Variants in COPS7B observed in about 807,000 individuals in gnomAD.
The protein encoded by COPS7B is COP9 signalosome subunit 7B, also known as COP9 signalosome complex subunit 7b.
In COPS7B, 9 loss-of-function variants were observed where a neutral mutation model predicts 33.4. That is an observed-to-expected ratio of 0.27 (90% CI 0.16 to 0.47). COPS7B has a LOEUF of 0.47. Among genes scored for constraint, COPS7B ranks in the 20% least tolerant of loss-of-function variants. The pLI, the probability that COPS7B is intolerant of heterozygous loss-of-function variation, is 0.99. For synonymous variants in COPS7B, 119 were observed against 126.3 expected (o/e 0.94, Z 0.39); for missense variants, 242 against 318.2 (o/e 0.76, Z 1.82).
At position 231,808,727 on chromosome 2, in the gene COPS7B, C is replaced by CA. The variant is rs1348130479; in HGVS notation, c.*1082_*1083insA. The CA allele has an allele frequency of 1.8e-5, 3 of 165,324 alleles. No individual in the cohort carries two copies. Among genetic ancestry groups the CA allele is most frequent in the African/African-American group, 8.6e-5 (3 of 34,796 alleles). The allele number at this position is 165,324 out of a possible 1,614,324, so 10.2% of individuals were successfully genotyped here. ...ACATTTCAACATGCTTTTGTCCCCCCTCGTGTCAATATTTGTTATAGACTA... is the reference window on the plus strand; with the variant it reads ...ACATTTCAACATGCTTTTGTCCCCCCATCGTGTCAATATTTGTTATAGACTA... On this transcript the variant is annotated 3_prime_UTR_variant, in exon 7 of 7. Transcript: ENST00000350033.
rs796391617 is a variant in COPS7B, at chr2:231,790,534, T to C, written c.163-1199T>C. The stretch of plus-strand genomic sequence containing the variant: ...CTTTATCTCCCCATACATTGCGTTT[T>C]TCCATATGTGAGCTGAGAATAAGCT... On this transcript the variant is annotated intron_variant, in intron 2 of 6. Transcript: ENST00000350033. The C allele has an allele frequency of 3.5e-4, 54 of 152,302 alleles. 2 individuals carry two copies. The highest frequency in any genetic ancestry group is 1.3e-3 in the African/African-American group (52 of 41,558). 9.4% of individuals were successfully genotyped at this position (152,302 alleles called of 1,614,324 possible).
intron 1 of COPS7B, among the ~76,000 whole-genome samples, chr2:231,786,912 T>A (rs1310480815): frequency 6.6e-6 from 1 of 152,228 alleles, no homozygotes; most frequent in African/African-American, 2.4e-5. Context: ...TCTCCGTCTC[T>A]TTACATTCTC....
rs544641062 is a variant in COPS7B at position 231,798,769 on chromosome 2, T to G, written c.531-90T>G. On this transcript the variant is annotated intron_variant, in intron 5 of 6. Coordinates refer to ENST00000350033, the MANE Select transcript of COPS7B (RefSeq NM_022730.4). ...ATTAAAGGAGGTCCCTGTAAGATAC[T>G]GGGGAGAGCTGTTGGGGAAGAATAT... The G allele has an allele frequency of 3.0e-5, 30 of 1,010,720 alleles. No individual in the cohort carries two copies. The East Asian group carries it at 7.1e-4, about 24-fold the overall frequency. 62.6% of individuals were successfully genotyped at this position (1,010,720 alleles called of 1,614,324 possible).
Position 231,802,625 on chromosome 2 carries a change from G to A in COPS7B, c.636+3661G>A, listed in dbSNP as rs139769826. 1.6e-4 allele frequency among the ~76,000 whole-genome samples: 24 copies of A among 152,340 alleles called. No homozygotes were observed. In the East Asian group the frequency reaches 4.6e-3, roughly 29 times the overall value. On this transcript the variant is annotated intron_variant, in intron 6 of 6. Transcript: ENST00000350033. ...CAAGTCTGTGGTGATGATATTTGTTGTCAGTTGAAGGGTGACTGTGGAAGA... is the reference window on the plus strand; with the variant it reads ...CAAGTCTGTGGTGATGATATTTGTTATCAGTTGAAGGGTGACTGTGGAAGA...
chr2:231,804,442 T>G (rs2049835523), intron 6 of COPS7B, among the ~76,000 whole-genome samples: 1 of 152,034 alleles, frequency 6.6e-6, no homozygotes, highest in African/African-American at 2.4e-5. Context: ...AGAGATGGGG[T>G]TTCACCGCGT....
At chr2:231,787,008 A>C (rs2049267533) in intron 1 of COPS7B, among the ~76,000 whole-genome samples, 1 of 148,452 alleles carries the variant, frequency 6.7e-6, no homozygotes, top group African/African-American at 2.5e-5. Flanking sequence ...CTCCACCCCC[A>C]CCTCCTAACA....
intron 2 of COPS7B, chr2:231,790,104 G>A (rs969130319): frequency 2.0e-5 from 3 of 152,146 alleles, no homozygotes; most frequent in Admixed American, 2.0e-4. Flanking sequence ...TGGAAAATGA[G>A]TTTTATGAAG....
At chr2:231,798,503 C>T (rs1240473381) in intron 5 of COPS7B, among the ~76,000 whole-genome samples, 2 of 152,262 alleles carry the variant, frequency 1.3e-5, no homozygotes, top group South Asian at 4.1e-4. Flanking sequence ...GATCCACCCA[C>T]CTCGGCCTCT....
At chr2:231,797,461 A>T (rs1401917363) in intron 5 of COPS7B, among the ~76,000 whole-genome samples, 2 of 152,240 alleles carry the variant, frequency 1.3e-5, no homozygotes, top group African/African-American at 4.8e-5. Flanking sequence ...CTGGCACACA[A>T]AATCTAGTTT....
At chr2:231,801,515 C>G (rs1259064676) in intron 6 of COPS7B, among the ~76,000 whole-genome samples, 1 of 152,128 alleles carries the variant, frequency 6.6e-6, no homozygotes. Context: ...AAACACAGCT[C>G]GCTGCACCCT....
chr2:231,798,766 T>C (rs932340267), intron 5 of COPS7B, 93 bp from the exon 6 acceptor site: 22 of 989,530 alleles, frequency 2.2e-5, no homozygotes, highest in Admixed American at 4.1e-5. Context: ...CCCTGTAAGA[T>C]ACTGGGGAGA....
chr2:231,801,971 C>T (rs747940404), intron 6 of COPS7B, among the ~76,000 whole-genome samples: 13 of 152,008 alleles, frequency 8.6e-5, no homozygotes, highest in African/African-American at 1.9e-4. Context: ...GACGGGGTTT[C>T]GCAATGTTGG....
intron 2 of COPS7B, chr2:231,789,601 T>C (rs1027431701): frequency 2.6e-5 from 4 of 152,454 alleles, no homozygotes; most frequent in African/African-American, 7.3e-5. Context: ...TTGTGGAGCA[T>C]GTGCTGGATG....
At chr2:231,785,443 C>T (rs922341589), upstream of COPS7B, among the ~76,000 whole-genome samples, 10 of 152,124 alleles carry the variant, frequency 6.6e-5, no homozygotes, top group Non-Finnish European at 1.0e-4. Context: ...CCCTTTTTTC[C>T]CCTTTTTGTC....
chr2:231,804,340 C>T (rs538299074), intron 6 of COPS7B, among the ~76,000 whole-genome samples: 11 of 151,942 alleles, frequency 7.2e-5, no homozygotes, highest in South Asian at 6.2e-4. Flanking sequence ...CTCTGCCTCC[C>T]GGGTTCACGC....
At chr2:231,788,496 T>C in intron 1 of COPS7B, 59 bp from the exon 2 acceptor site, 4 of 1,514,492 alleles carry the variant, frequency 2.6e-6, no homozygotes, top group South Asian at 2.4e-5. Flanking sequence ...CAGCACTGAA[T>C]AGGCACAGAC....
chr2:231,783,697 T>C (rs951698351), upstream of COPS7B, among the ~76,000 whole-genome samples: 2 of 152,206 alleles, frequency 1.3e-5, no homozygotes, highest in East Asian at 1.9e-4. Context: ...ATGGCTTGTC[T>C]TTTCACTCTC....
chr2:231,785,054 G>A (rs1457731458), upstream of COPS7B, among the ~76,000 whole-genome samples: 1 of 152,184 alleles, frequency 6.6e-6, no homozygotes, highest in Non-Finnish European at 1.5e-5. Context: ...CAGGTGATCT[G>A]CCCACCTTGG....
At position 231,808,379 on chromosome 2, in the gene COPS7B, TC is replaced by T. The variant is rs1206600581; in HGVS notation, c.*736del. ...CTTGGCGTTCTCTCCTGGCCACTCT[TC>T]CTGCTGCCTCTGACTACTCAGCCTT... On this transcript the variant is annotated 3_prime_UTR_variant, in exon 7 of 7. Coordinates refer to ENST00000350033, the MANE Select transcript of COPS7B (RefSeq NM_022730.4). The T allele has an allele frequency of 2.1e-6, 1 of 466,886 alleles. No homozygotes were observed. The highest frequency in any genetic ancestry group is 7.0e-5 in the East Asian group (1 of 14,324). The allele number at this position is 466,886 out of a possible 1,614,324, so 28.9% of individuals were successfully genotyped here. A position where few individuals can be genotyped will look rare whatever the true frequency, so the allele number is the denominator to read the frequency against.
Sources: allele counts gnomAD v4.1 joint callset (sites outside exome capture counted in the v4.1 genomes callset), GRCh38; gene constraint gnomAD v4.1.1; transcripts MANE v1.5; gene names NCBI Gene and HGNC (gene_info 2026-07-23, HGNC 2026-07-21).